The following DLG2 variants were observed in gnomAD, a reference collection of about 807,000 sequenced individuals.
The protein encoded by DLG2 is discs large MAGUK scaffold protein 2, also known as disks large homolog 2.
DLG2 carries 45 observed loss-of-function variants against 132.5 expected under a neutral mutation model. That is an observed-to-expected ratio of 0.34 (90% CI 0.27 to 0.44). DLG2 has a LOEUF of 0.44. DLG2 is among the 20% of genes least tolerant of loss of function. The probability of loss-of-function intolerance (pLI) is 1.00; values close to 1 mark genes in which losing one functional copy is unlikely to be tolerated. For missense variants in DLG2, 1,045 were observed against 1,196.9 expected, an observed-to-expected ratio of 0.87 and a Z score of 1.87; for synonymous variants, 424 against 419.6, an observed-to-expected ratio of 1.01 and a Z score of -0.13.
At chr11:84,425,152 C>G (rs1287807243) in intron 7 of DLG2, among the ~76,000 whole-genome samples, 1 of 151,812 alleles carries the variant, frequency 6.6e-6, no homozygotes, top group African/African-American at 2.4e-5. Context: ...TTTTTAATAC[C>G]AAGGGGCAAA....
intron 9 of DLG2, among the ~76,000 whole-genome samples, chr11:84,154,420 T>C (rs950622936): frequency 1.3e-5 from 2 of 152,222 alleles, no homozygotes; most frequent in African/African-American, 4.8e-5. Context: ...CCCCTTGAGC[T>C]GCCAATACTC....
chr11:84,699,524 A>G (rs1227664520), intron 6 of DLG2, among the ~76,000 whole-genome samples: 1 of 151,490 alleles, frequency 6.6e-6, no homozygotes, highest in Non-Finnish European at 1.5e-5. Context: ...AACTCAAGCA[A>G]AGTAAGAAAT....
rs140134780 is a variant in DLG2 at position 84,804,106 on chromosome 11, C to G, written c.358-269375G>C. Among the ~76,000 whole-genome samples the G allele has an allele frequency of 9.3e-4, 142 of 152,292 alleles. 1 individual carries two copies. In the Middle Eastern group the frequency reaches 0.017, roughly 18 times the overall value. On this transcript the variant is annotated intron_variant, in intron 6 of 27. Coordinates refer to ENST00000376104, the MANE Select transcript of DLG2 (RefSeq NM_001142699.3). ...AGAATGATGGATACAGTGGTTCACACACAGTAAATATTTTGGTGATGACAA... is the reference window on the plus strand; with the variant it reads ...AGAATGATGGATACAGTGGTTCACAGACAGTAAATATTTTGGTGATGACAA...
chr11:84,178,485 T>A (rs1414428367), intron 8 of DLG2, among the ~76,000 whole-genome samples: 1 of 152,106 alleles, frequency 6.6e-6, no homozygotes, highest in Non-Finnish European at 1.5e-5. Context: ...CCTGCCTGAA[T>A]GTGAGACCTT....
intron 4 of DLG2, among the ~76,000 whole-genome samples, chr11:85,217,318 T>TACACA (rs2082684962): frequency 6.9e-6 from 1 of 143,930 alleles, no homozygotes; most frequent in African/African-American, 2.6e-5. Flanking sequence ...TCTCTCTCTC[T>TACACA]CACACACACA....
chr11:84,421,086 T>A (rs552366416), intron 7 of DLG2, among the ~76,000 whole-genome samples: 2 of 152,232 alleles, frequency 1.3e-5, no homozygotes, highest in African/African-American at 4.8e-5. Flanking sequence ...GGTACTCTTA[T>A]AAGTTAGTTC....
At chr11:84,382,351 T>A (rs916153211) in intron 7 of DLG2, among the ~76,000 whole-genome samples, 1 of 152,174 alleles carries the variant, frequency 6.6e-6, no homozygotes, top group Non-Finnish European at 1.5e-5. Context: ...TTTCTGCTAA[T>A]GGGAACACCT....
At chr11:83,496,569 A>G (rs965592985) in intron 21 of DLG2, among the ~76,000 whole-genome samples, 5 of 152,208 alleles carry the variant, frequency 3.3e-5, no homozygotes, top group Non-Finnish European at 7.4e-5. Flanking sequence ...AGGTAAATTA[A>G]TACATTGCGG....
chr11:84,423,615 G>A (rs1436876395), intron 7 of DLG2, among the ~76,000 whole-genome samples: 1 of 151,958 alleles, frequency 6.6e-6, no homozygotes, highest in African/African-American at 2.4e-5. Context: ...TACTGAATAG[G>A]CCATGTTCAC....
chr11:84,853,758 C>T (rs573518036), intron 6 of DLG2, among the ~76,000 whole-genome samples: 1 of 152,040 alleles, frequency 6.6e-6, no homozygotes, highest in East Asian at 1.9e-4. Flanking sequence ...CACAATTAGC[C>T]CAAGTCTTTG....
intron 15 of DLG2, among the ~76,000 whole-genome samples, chr11:83,924,468 G>A (rs1264911537): frequency 6.6e-6 from 1 of 152,068 alleles, no homozygotes; most frequent in Non-Finnish European, 1.5e-5. Flanking sequence ...TCTCTTCTCT[G>A]AGAAGTAAAT....
chr11:83,581,605 C>T (rs1193835655), intron 19 of DLG2, among the ~76,000 whole-genome samples: 1 of 152,116 alleles, frequency 6.6e-6, no homozygotes, highest in Admixed American at 6.5e-5. Flanking sequence ...AGATATGATT[C>T]TACAGAGGAA....
At chr11:83,849,767 A>T (rs1369658025) in intron 16 of DLG2, among the ~76,000 whole-genome samples, 37 of 149,712 alleles carry the variant, frequency 2.5e-4, no homozygotes, top group African/African-American at 6.7e-4. Flanking sequence ...TTTTTTTTTA[A>T]AAAAAAAGCA....
rs141297088 is a variant in DLG2, at chr11:84,582,310, T to C, written c.358-47579A>G. On this transcript the variant is annotated intron_variant, in intron 6 of 27. Coordinates refer to ENST00000376104, the MANE Select transcript of DLG2 (RefSeq NM_001142699.3). ...ATCTTGAAGGTGGCGAATATATATA[T>C]ATATTTTAACTTAAAATATATATGT... 2.3e-3 allele frequency among the ~76,000 whole-genome samples: 342 copies of C among 150,914 alleles called. 3 individuals carry two copies. The highest frequency in any genetic ancestry group is 7.5e-3 in the African/African-American group (311 of 41,316).
chr11:84,079,954 C>G (rs536765813), intron 10 of DLG2, among the ~76,000 whole-genome samples: 26 of 152,182 alleles, frequency 1.7e-4, no homozygotes, highest in Non-Finnish European at 3.5e-4. Context: ...AATATTAACT[C>G]TCTACAAGGC....
chr11:85,601,111 AT>A (rs913256910), intron 2 of DLG2, among the ~76,000 whole-genome samples: 7 of 152,208 alleles, frequency 4.6e-5, no homozygotes, highest in Non-Finnish European at 7.3e-5. Context: ...AAAATGAAAA[AT>A]AATTAAGAAT....
intron 7 of DLG2, among the ~76,000 whole-genome samples, chr11:84,455,576 T>A (rs531892938): frequency 2.2e-4 from 34 of 151,120 alleles, no homozygotes; most frequent in African/African-American, 7.5e-4. Flanking sequence ...AATGCATTTT[T>A]AAAAAAAGTT....
intron 18 of DLG2, among the ~76,000 whole-genome samples, chr11:83,705,192 C>T (rs2083698972): frequency 6.6e-6 from 1 of 152,148 alleles, no homozygotes; most frequent in Non-Finnish European, 1.5e-5. Flanking sequence ...CATATTTTCA[C>T]TTATTAAAAG....
At chr11:84,133,241 T>A (rs115055208) in intron 9 of DLG2, among the ~76,000 whole-genome samples, 2,542 of 152,102 alleles carry the variant, frequency 0.017, 74 homozygotes, top group African/African-American at 0.057. Flanking sequence ...ATCCAAAGTC[T>A]AATATCTTCA....
Sources: allele counts gnomAD v4.1 joint callset (sites outside exome capture counted in the v4.1 genomes callset), GRCh38; gene constraint gnomAD v4.1.1; transcripts MANE v1.5; gene names NCBI Gene and HGNC (gene_info 2026-07-23, HGNC 2026-07-21).